The following EPHA6 variants were observed in gnomAD, a reference collection of about 807,000 sequenced individuals.
The protein encoded by EPHA6 is ephrin type-A receptor 6.
In EPHA6, 50 loss-of-function variants were observed where a neutral mutation model predicts 112.0. The observed-to-expected ratio is 0.45, with a 90% CI of 0.36 to 0.56. The LOEUF (loss-of-function observed/expected upper bound fraction) is 0.56, where lower values mean the gene tolerates loss of function less well. EPHA6 is among the 20% of genes least tolerant of loss of function. EPHA6 has a pLI of 0.00. For missense variants in EPHA6, 1,280 were observed against 1,417.4 expected (o/e 0.90, Z 1.56); for synonymous variants, 529 against 490.7 (o/e 1.08, Z -1.03).
chr3:97,618,943 T>C (rs1485281107), intron 13 of EPHA6, among the ~76,000 whole-genome samples: 1 of 151,982 alleles, frequency 6.6e-6, no homozygotes, highest in Non-Finnish European at 1.5e-5. Context: ...TACCAAAACC[T>C]GGCAGCAATA....
chr3:96,818,333 G>A (rs2032969490), intron 1 of EPHA6, among the ~76,000 whole-genome samples: 1 of 151,882 alleles, frequency 6.6e-6, no homozygotes, highest in African/African-American at 2.4e-5. Flanking sequence ...TAAGGGTGTG[G>A]CTCATGCTTT....
At chr3:97,333,205 A>G (rs1191489477) in intron 5 of EPHA6, among the ~76,000 whole-genome samples, 1 of 152,028 alleles carries the variant, frequency 6.6e-6, no homozygotes, top group Non-Finnish European at 1.5e-5. Context: ...ATGTGTAAGT[A>G]TTCAATTTTA....
At chr3:96,875,002 G>T (rs1474864140) in intron 2 of EPHA6, among the ~76,000 whole-genome samples, 2 of 152,086 alleles carry the variant, frequency 1.3e-5, no homozygotes, top group Non-Finnish European at 2.9e-5. Flanking sequence ...AGAAAGGAAA[G>T]ATTAAGGTAG....
intron 3 of EPHA6, among the ~76,000 whole-genome samples, chr3:97,019,067 A>T (rs904196077): frequency 6.6e-6 from 1 of 152,200 alleles, no homozygotes; most frequent in Admixed American, 6.5e-5. Context: ...AGGGAGGATT[A>T]TTATAGTATT....
chr3:97,229,285 C>T (rs1221731977), intron 4 of EPHA6, among the ~76,000 whole-genome samples: 1 of 152,148 alleles, frequency 6.6e-6, no homozygotes, highest in Non-Finnish European at 1.5e-5. Flanking sequence ...GTCATAAACT[C>T]TTTGCATAAG....
At chr3:96,875,177 G>A (rs796266679) in intron 2 of EPHA6, among the ~76,000 whole-genome samples, 7 of 152,038 alleles carry the variant, frequency 4.6e-5, no homozygotes, top group Admixed American at 1.3e-4. Context: ...GACAGAACAG[G>A]AAACATGAAA....
At chr3:97,550,060 G>A (rs1422856451) in intron 11 of EPHA6, among the ~76,000 whole-genome samples, 2 of 152,316 alleles carry the variant, frequency 1.3e-5, no homozygotes, top group Non-Finnish European at 2.9e-5. Flanking sequence ...CAGTATGGAT[G>A]AAACCTCCCT....
At chr3:97,177,092 T>G (rs1055176182) in intron 3 of EPHA6, among the ~76,000 whole-genome samples, 1 of 151,920 alleles carries the variant, frequency 6.6e-6, no homozygotes, top group Non-Finnish European at 1.5e-5. Context: ...TATCATTTGA[T>G]AAAAGAATTT....
intron 14 of EPHA6, among the ~76,000 whole-genome samples, chr3:97,641,482 G>C (rs566014004): frequency 1.3e-5 from 2 of 152,176 alleles, no homozygotes; most frequent in Admixed American, 6.5e-5. Context: ...AGCTCCCAGC[G>C]TGAGCGACGC....
chr3:97,550,993 G>A (rs894968946), intron 11 of EPHA6, among the ~76,000 whole-genome samples: 1 of 152,156 alleles, frequency 6.6e-6, no homozygotes, highest in African/African-American at 2.4e-5. Flanking sequence ...ACTTTCTAAT[G>A]TCAGTCACAT....
At chr3:97,561,408 A>G (rs2093189773) in intron 11 of EPHA6, among the ~76,000 whole-genome samples, 1 of 152,048 alleles carries the variant, frequency 6.6e-6, no homozygotes, top group Admixed American at 6.6e-5. Context: ...AAGCAGCCTT[A>G]TTACTGATAG....
At chr3:97,477,733 T>C (rs997236784) in intron 8 of EPHA6, among the ~76,000 whole-genome samples, 3 of 152,130 alleles carry the variant, frequency 2.0e-5, no homozygotes, top group Non-Finnish European at 4.4e-5. Flanking sequence ...ATAACATTAA[T>C]GCTGCCCATG....
In EPHA6 at chr3:96,937,894, G is replaced by T. The variant is rs549188911; in HGVS notation, c.451-49436G>T. 2.6e-5 allele frequency among the ~76,000 whole-genome samples: 4 copies of T among 152,184 alleles called. No homozygotes were observed. In the South Asian group the frequency reaches 8.3e-4, roughly 32 times the overall value. On this transcript the variant is annotated intron_variant, in intron 2 of 17. Transcript: ENST00000389672. Reference sequence around the variant, plus strand: ...TTTCCCCATTGCTTATTTTTGTCAGGTTTGTCAAAGATCAGATAGTTGTAG... The same window carrying T: ...TTTCCCCATTGCTTATTTTTGTCAGTTTTGTCAAAGATCAGATAGTTGTAG...
chr3:97,674,378 A>G lies in EPHA6; in HGVS notation c.2784+36296A>G, dbSNP rs948501906. Among the ~76,000 whole-genome samples the G allele has an allele frequency of 6.6e-5, 10 of 152,214 alleles. 1 individual carries two copies. The highest frequency in any genetic ancestry group is 2.2e-4 in the African/African-American group (9 of 41,466). ...GCAATTCAGTTTTATCCACGTGAAC[A>G]TATATTCTTTAAAGAATATTTGGGT... On this transcript the variant is annotated intron_variant, in intron 14 of 17. Coordinates refer to ENST00000389672, the MANE Select transcript of EPHA6 (RefSeq NM_001080448.3).
At chr3:96,978,243 A>C (rs1421350157) in intron 2 of EPHA6, among the ~76,000 whole-genome samples, 2 of 152,330 alleles carry the variant, frequency 1.3e-5, no homozygotes, top group East Asian at 3.9e-4. Flanking sequence ...AGTGGCCTTC[A>C]TCCTTGTTGT....
At chr3:96,984,070 G>A (rs979463980) in intron 2 of EPHA6, among the ~76,000 whole-genome samples, 12 of 152,108 alleles carry the variant, frequency 7.9e-5, no homozygotes, top group African/African-American at 1.4e-4. Flanking sequence ...GTCATTCTCC[G>A]TCCAGCTTTT....
intron 12 of EPHA6, among the ~76,000 whole-genome samples, chr3:97,605,739 T>C (rs1372800808): frequency 1.3e-5 from 2 of 151,710 alleles, no homozygotes; most frequent in Non-Finnish European, 3.0e-5. Context: ...GGGTTCTTTA[T>C]GGTTCCATAT....
chr3:97,502,832 CAAAAAA>C (rs397990595), intron 10 of EPHA6, among the ~76,000 whole-genome samples: 2 of 35,878 alleles, frequency 5.6e-5, no homozygotes, highest in East Asian at 1.1e-3. Context: ...GACTCTGTCT[CAAAAAA>C]AAAAAAAAAA....
At chr3:97,705,080 A>G (rs529389635) in intron 14 of EPHA6, among the ~76,000 whole-genome samples, 4 of 152,252 alleles carry the variant, frequency 2.6e-5, no homozygotes, top group Non-Finnish European at 5.9e-5. Flanking sequence ...CCATTGCCAC[A>G]AAAGAAGGTC....
Sources: gnomAD v4.1 joint callset for allele counts (sites outside exome capture counted in the v4.1 genomes callset) on GRCh38, gnomAD v4.1.1 for gene constraint, MANE v1.5 for transcripts, NCBI Gene and HGNC (gene_info 2026-07-23, HGNC 2026-07-21) for gene names.